The following CALN1 variants were observed in gnomAD, a reference collection of about 807,000 sequenced individuals.
CALN1 encodes the protein calneuron 1, also known as calcium-binding protein 8.
A neutral mutation model predicts 30.6 loss-of-function variants in CALN1; 17 were observed. That is an observed-to-expected ratio of 0.56 (90% CI 0.38 to 0.83). CALN1 has a LOEUF of 0.83. CALN1 is among the 40% of genes least tolerant of loss of function. CALN1 has a pLI of 0.00. For synonymous variants in CALN1, 156 were observed against 131.4 expected, an observed-to-expected ratio of 1.19 and a Z score of -1.28; for missense variants, 291 against 354.9, an observed-to-expected ratio of 0.82 and a Z score of 1.45.
intron 2 of CALN1, among the ~76,000 whole-genome samples, chr7:72,395,911 G>C (rs770244901): frequency 6.6e-5 from 10 of 152,082 alleles, no homozygotes; most frequent in Non-Finnish European, 1.2e-4. Context: ...TTCCTGAAAA[G>C]CTTCTGATTT....
At chr7:72,099,555 A>C (rs1001917597) in intron 4 of CALN1, among the ~76,000 whole-genome samples, 1 of 152,040 alleles carries the variant, frequency 6.6e-6, no homozygotes, top group Non-Finnish European at 1.5e-5. Flanking sequence ...GTACCTGAGA[A>C]GTTTACTCAT....
At chr7:72,108,551 T>TCG (rs775084377) in intron 3 of CALN1, among the ~76,000 whole-genome samples, 1 of 152,256 alleles carries the variant, frequency 6.6e-6, no homozygotes, top group Non-Finnish European at 1.5e-5. Context: ...TCTGACAAAC[T>TCG]CTAATTCTGG....
intron 3 of CALN1, among the ~76,000 whole-genome samples, chr7:72,257,218 C>T (rs889490471): frequency 6.6e-6 from 1 of 152,154 alleles, no homozygotes; most frequent in Admixed American, 6.5e-5. Context: ...GGGGAATCCG[C>T]CCCCATTATC....
At chr7:72,129,583 A>G (rs1808999170) in intron 3 of CALN1, among the ~76,000 whole-genome samples, 1 of 152,204 alleles carries the variant, frequency 6.6e-6, no homozygotes, top group African/African-American at 2.4e-5. Flanking sequence ...GATATATGCT[A>G]AAATAATTAC....
intron 2 of CALN1, among the ~76,000 whole-genome samples, chr7:72,387,061 C>G (rs1300633925): frequency 6.6e-6 from 1 of 151,312 alleles, no homozygotes; most frequent in Non-Finnish European, 1.5e-5. Flanking sequence ...CAGGAGCTAA[C>G]AGTTCCCAAT....
At chr7:72,339,641 T>C (rs921194793) in intron 2 of CALN1, among the ~76,000 whole-genome samples, 1 of 152,160 alleles carries the variant, frequency 6.6e-6, no homozygotes, top group Non-Finnish European at 1.5e-5. Context: ...GACTGGGTAA[T>C]ATACAAAGGA....
intron 5 of CALN1, among the ~76,000 whole-genome samples, chr7:71,950,699 G>C (rs976433921): frequency 6.6e-6 from 1 of 152,120 alleles, no homozygotes; most frequent in Non-Finnish European, 1.5e-5. Context: ...TAAACTTAAA[G>C]CTGCTTCAGA....
chr7:72,477,163 A>G, the CALN1 span, among the ~76,000 whole-genome samples: 4 of 152,108 alleles, frequency 2.6e-5, no homozygotes, highest in African/African-American at 9.7e-5. Flanking sequence ...GTGAGCTGAG[A>G]TCGTGCCACT....
chr7:72,020,648 A>G (rs1800650510), intron 5 of CALN1, among the ~76,000 whole-genome samples: 1 of 152,218 alleles, frequency 6.6e-6, no homozygotes, highest in Non-Finnish European at 1.5e-5. Flanking sequence ...AAATATTTCA[A>G]GATGGAATTT....
At chr7:72,108,778 A>G (rs1304672489) in intron 3 of CALN1, among the ~76,000 whole-genome samples, 1 of 87,962 alleles carries the variant, frequency 1.1e-5, no homozygotes, top group Non-Finnish European at 2.2e-5. Context: ...CCAAGTCCCT[A>G]TTAAATGTTT....
At chr7:72,370,656 CAAAA>C (rs374531193) in intron 2 of CALN1, among the ~76,000 whole-genome samples, 1 of 100,876 alleles carries the variant, frequency 9.9e-6, no homozygotes, top group African/African-American at 3.9e-5. Flanking sequence ...GACTCCGTCT[CAAAA>C]AAAAAAAAAA....
intron 3 of CALN1, among the ~76,000 whole-genome samples, chr7:72,141,932 G>C (rs978352884): frequency 1.3e-5 from 2 of 152,152 alleles, no homozygotes; most frequent in Admixed American, 6.5e-5. Flanking sequence ...CACCTGCACA[G>C]TGATCTGTTT....
intron 3 of CALN1, among the ~76,000 whole-genome samples, chr7:72,127,777 CA>C (rs1465656280): frequency 1.3e-5 from 2 of 151,954 alleles, no homozygotes; most frequent in African/African-American, 2.4e-5. Flanking sequence ...TAAATTGGTA[CA>C]ATTGAACAGT....
Position 72,412,219 on chromosome 7 carries a change from G to C in CALN1, c.-235C>G, listed in dbSNP as rs901610282. The C allele has an allele frequency of 1.3e-5, 2 of 152,410 alleles. No homozygotes were observed. Among genetic ancestry groups the C allele is most frequent in the African/African-American group, 2.4e-5 (1 of 41,466 alleles). 9.4% of individuals were successfully genotyped at this position (152,410 alleles called of 1,614,324 possible). The stretch of plus-strand genomic sequence containing the variant: ...CGGTCTTGCTGACTTCAAGAACGAA[G>C]ACGCAGACCGCGGCCGTGAGCTTTA... On this transcript the variant is annotated 5_prime_UTR_variant, in exon 1 of 7. Coordinates refer to ENST00000395275, the MANE Select transcript of CALN1 (RefSeq NM_031468.4).
chr7:71,909,253 T>C (rs1275521579), intron 5 of CALN1, among the ~76,000 whole-genome samples: 1 of 152,208 alleles, frequency 6.6e-6, no homozygotes. Flanking sequence ...CCTCCGGAAG[T>C]GCTGGTATTA....
intron 1 of CALN1, among the ~76,000 whole-genome samples, chr7:72,407,399 G>T (rs1562954524): frequency 6.6e-6 from 1 of 152,198 alleles, no homozygotes; most frequent in Non-Finnish European, 1.5e-5. Context: ...CCCAATGTTG[G>T]AGGTGGGGCC....
intron 5 of CALN1, among the ~76,000 whole-genome samples, chr7:71,839,656 G>A (rs552992788): frequency 6.6e-6 from 1 of 152,320 alleles, no homozygotes; most frequent in East Asian, 1.9e-4. Flanking sequence ...GCCAGAGCCA[G>A]AAGGAGTCTG....
chr7:72,062,086 T>A (rs1472890584), intron 4 of CALN1, among the ~76,000 whole-genome samples: 1 of 152,142 alleles, frequency 6.6e-6, no homozygotes, highest in East Asian at 1.9e-4. Flanking sequence ...AACCCAGAAT[T>A]CTACATCCAG....
chr7:72,286,717 G>C (rs1257382415), intron 2 of CALN1, among the ~76,000 whole-genome samples: 3 of 152,320 alleles, frequency 2.0e-5, no homozygotes, highest in East Asian at 3.9e-4. Context: ...GGTTTGGACA[G>C]ATCTCAAATC....
Sources: allele counts gnomAD v4.1 joint callset (sites outside exome capture counted in the v4.1 genomes callset), GRCh38; gene constraint gnomAD v4.1.1; transcripts MANE v1.5; gene names NCBI Gene and HGNC (gene_info 2026-07-23, HGNC 2026-07-21).